The following PDE4D variants were observed in gnomAD, a reference collection of about 807,000 sequenced individuals.
PDE4D encodes the protein 3',5'-cyclic-AMP phosphodiesterase 4D.
Under a neutral mutation model 87.4 loss-of-function variants are expected in PDE4D, and 24 were observed. The observed-to-expected ratio is 0.27, with a 90% confidence interval of 0.20 to 0.39. PDE4D has a LOEUF of 0.39. Among genes scored for constraint, PDE4D ranks in the 10% least tolerant of loss-of-function variants. The probability of loss-of-function intolerance (pLI) is 1.00; values close to 1 mark genes in which losing one functional copy is unlikely to be tolerated. For missense variants in PDE4D, 714 were observed against 1,041.0 expected, an observed-to-expected ratio of 0.69 and a Z score of 4.32; for synonymous variants, 384 against 383.2, an observed-to-expected ratio of 1.00 and a Z score of -0.02.
At chr5:59,223,087 A>G (rs1752909929) in intron 1 of PDE4D, among the ~76,000 whole-genome samples, 1 of 152,194 alleles carries the variant, frequency 6.6e-6, no homozygotes, top group Non-Finnish European at 1.5e-5. Flanking sequence ...CAGCCCTTGC[A>G]ATCAATGAGG....
intron 1 of PDE4D, among the ~76,000 whole-genome samples, chr5:60,271,349 T>C (rs1750789871): frequency 6.6e-6 from 1 of 152,230 alleles, no homozygotes; most frequent in Non-Finnish European, 1.5e-5. Context: ...AATTTGGTTA[T>C]ATTTTTGTTG....
chr5:59,835,827 C>T (rs1348810508), intron 1 of PDE4D, among the ~76,000 whole-genome samples: 1 of 151,882 alleles, frequency 6.6e-6, no homozygotes, highest in African/African-American at 2.4e-5. Flanking sequence ...GGCTCGAAAT[C>T]TATGTGTGTG....
intron 1 of PDE4D, among the ~76,000 whole-genome samples, chr5:60,407,368 C>T (rs1239140463): frequency 6.6e-6 from 1 of 151,428 alleles, no homozygotes; most frequent in African/African-American, 2.4e-5. Flanking sequence ...ATCTCCCTTT[C>T]CAGAATACAA....
At chr5:60,002,240 C>T (rs1378764764) in intron 2 of PDE4D, among the ~76,000 whole-genome samples, 1 of 151,402 alleles carries the variant, frequency 6.6e-6, no homozygotes. Flanking sequence ...CCTCAACAGA[C>T]CAATAGCAAG....
intron 1 of PDE4D, among the ~76,000 whole-genome samples, chr5:60,422,600 G>A (rs970428362): frequency 6.6e-6 from 1 of 152,168 alleles, no homozygotes; most frequent in South Asian, 2.1e-4. Context: ...ATGCCAAATT[G>A]TAAAGACCAT....
intron 1 of PDE4D, chr5:59,703,491 T>C: frequency 1.9e-6 from 1 of 516,058 alleles, no homozygotes; most frequent in Non-Finnish European, 3.9e-6. Flanking sequence ...GCATTACAAA[T>C]TGATGATAAT....
At chr5:59,169,028 T>A (rs1003220401) in intron 5 of PDE4D, among the ~76,000 whole-genome samples, 13 of 152,190 alleles carry the variant, frequency 8.5e-5, no homozygotes, top group African/African-American at 3.1e-4. Context: ...AATATTAGTA[T>A]TAATAATATA....
At chr5:60,091,959 G>A (rs1373070405) in intron 2 of PDE4D, among the ~76,000 whole-genome samples, 1 of 149,058 alleles carries the variant, frequency 6.7e-6, no homozygotes, top group Admixed American at 6.7e-5. Flanking sequence ...GCTGAGGCAG[G>A]AGAATGGCGT....
intron 1 of PDE4D, among the ~76,000 whole-genome samples, chr5:59,250,905 A>C (rs964728740): frequency 1.3e-5 from 2 of 152,140 alleles, no homozygotes; most frequent in Non-Finnish European, 2.9e-5. Context: ...ATCTTCGACA[A>C]AGCTAAAGAA....
At chr5:59,612,232 GTT>G (rs58203288) in intron 1 of PDE4D, among the ~76,000 whole-genome samples, 2 of 52,762 alleles carry the variant, frequency 3.8e-5, no homozygotes, top group African/African-American at 1.6e-4. Context: ...GATTGACACT[GTT>G]TTTTTTGTTT....
chr5:60,048,313 G>T (rs1021496961), intron 2 of PDE4D, among the ~76,000 whole-genome samples: 38 of 152,248 alleles, frequency 2.5e-4, no homozygotes, highest in African/African-American at 7.7e-4. Flanking sequence ...TCTTGACTCT[G>T]TATCCAATTT....
At chr5:59,932,130 A>C (rs1406964074) in intron 3 of PDE4D, among the ~76,000 whole-genome samples, 1 of 152,220 alleles carries the variant, frequency 6.6e-6, no homozygotes, top group African/African-American at 2.4e-5. Flanking sequence ...AACCATCCAC[A>C]TTCAGGTAGG....
At chr5:59,499,129 C>A (rs1270014211) in intron 1 of PDE4D, among the ~76,000 whole-genome samples, 1 of 151,784 alleles carries the variant, frequency 6.6e-6, no homozygotes, top group Non-Finnish European at 1.5e-5. Context: ...CTTAAAACCA[C>A]ACAAATACAG....
intron 1 of PDE4D, among the ~76,000 whole-genome samples, chr5:59,889,089 G>A (rs1001282545): frequency 2.0e-5 from 3 of 151,712 alleles, no homozygotes; most frequent in Admixed American, 6.6e-5. Flanking sequence ...TTAGTCAGGC[G>A]TGGCGGCTCG....
At chr5:59,468,524 A>G (rs965408823) in intron 1 of PDE4D, among the ~76,000 whole-genome samples, 3 of 152,188 alleles carry the variant, frequency 2.0e-5, no homozygotes, top group African/African-American at 7.2e-5. Flanking sequence ...TGGGGATGAA[A>G]ACACCCATAG....
At chr5:59,092,704 T>C (rs941602569) in intron 5 of PDE4D, among the ~76,000 whole-genome samples, 3 of 152,142 alleles carry the variant, frequency 2.0e-5, no homozygotes, top group Admixed American at 6.6e-5. Context: ...TCATATTACT[T>C]CTCTGTGTCT....
intron 1 of PDE4D, among the ~76,000 whole-genome samples, chr5:59,282,244 T>A (rs1477997462): frequency 6.6e-6 from 1 of 152,190 alleles, no homozygotes; most frequent in Non-Finnish European, 1.5e-5. Context: ...CTTACTTCAA[T>A]AATTCTTAAA....
At chr5:59,791,053 G>A (rs561315965) in intron 1 of PDE4D, among the ~76,000 whole-genome samples, 2 of 152,254 alleles carry the variant, frequency 1.3e-5, no homozygotes, top group South Asian at 2.1e-4. Context: ...GAAGACTTCC[G>A]AGTACACAGA....
intron 2 of PDE4D, among the ~76,000 whole-genome samples, chr5:60,019,336 CTTTAA>C (rs1765813781): frequency 6.6e-6 from 1 of 152,146 alleles, no homozygotes; most frequent in Admixed American, 6.5e-5. Context: ...TGAGCACTGG[CTTTAA>C]TTTAAAGTCG....
Sources: gnomAD v4.1 joint callset for allele counts (sites outside exome capture counted in the v4.1 genomes callset) on GRCh38, gnomAD v4.1.1 for gene constraint, MANE v1.5 for transcripts, NCBI Gene and HGNC (gene_info 2026-07-23, HGNC 2026-07-21) for gene names.